Variants in CTIF observed in about 807,000 individuals in gnomAD.
The protein encoded by CTIF is cap binding complex dependent translation initiation factor, also known as CBP80/20-dependent translation initiation factor.
In CTIF, 21 loss-of-function variants were observed where a neutral mutation model predicts 66.0. That is an observed-to-expected ratio of 0.32 (90% CI 0.23 to 0.46). The LOEUF (loss-of-function observed/expected upper bound fraction) is 0.46, where lower values mean the gene tolerates loss of function less well. Among genes scored for constraint, CTIF ranks in the 20% least tolerant of loss-of-function variants. The pLI, the probability that CTIF is intolerant of heterozygous loss-of-function variation, is 1.00. For synonymous variants in CTIF, 345 were observed against 326.4 expected (o/e 1.06, Z -0.62); for missense variants, 739 against 812.7 (o/e 0.91, Z 1.10).
At chr18:48,826,083 T>G (rs941122879) in intron 10 of CTIF, 4 of 152,190 alleles carry the variant, frequency 2.6e-5, no homozygotes, top group Admixed American at 2.6e-4. Flanking sequence ...TTTAACCTCA[T>G]TCTTCCGTCT....
Position 48,761,821 on chromosome 18 carries a change from T to G in CTIF, c.1371+132T>G. ...CAAGTTCCGCCCTTGCCCGATTAAT[T>G]ATAGAAAACACAAAGGCAGTTAAGG... is the stretch of plus-strand genomic sequence containing the variant. On this transcript the variant is annotated intron_variant, in intron 9 of 11. Transcript: ENST00000256413. This position sits in a 1 kb window ranked among gnomAD's most constrained non-coding sequence, Gnocchi z 4.2. 1 of 908,474 alleles carries G rather than the reference T, an allele frequency of 1.1e-6. No homozygotes were observed. Among genetic ancestry groups the G allele is most frequent in the South Asian group, 1.8e-5 (1 of 56,684 alleles). The allele number at this position is 908,474 out of a possible 1,614,324, so 56.3% of individuals were successfully genotyped here.
At chr18:48,618,023 C>CG (rs1030147448) in intron 1 of CTIF, among the ~76,000 whole-genome samples, 1 of 152,164 alleles carries the variant, frequency 6.6e-6, no homozygotes, top group Non-Finnish European at 1.5e-5. Flanking sequence ...CTCCTTCCCC[C>CG]GGGCAGTTCT....
At chr18:48,610,579 C>T (rs898378045) in intron 1 of CTIF, among the ~76,000 whole-genome samples, 2 of 152,216 alleles carry the variant, frequency 1.3e-5, no homozygotes, top group African/African-American at 2.4e-5. Flanking sequence ...CACACTCCTG[C>T]GGGCTGCTCT....
intron 9 of CTIF, among the ~76,000 whole-genome samples, chr18:48,790,521 A>T (rs2067768868): frequency 6.6e-6 from 1 of 152,212 alleles, no homozygotes; most frequent in African/African-American, 2.4e-5. Flanking sequence ...CCAGCTCAGC[A>T]GCCCCCTCCC....
intron 9 of CTIF, among the ~76,000 whole-genome samples, chr18:48,805,288 T>A (rs1156467882): frequency 6.6e-6 from 1 of 151,624 alleles, no homozygotes; most frequent in Non-Finnish European, 1.5e-5. Context: ...TGATGATGAC[T>A]GGGGTGAGAA....
chr18:48,801,764 C>T (rs920731354), intron 9 of CTIF, among the ~76,000 whole-genome samples: 1 of 152,214 alleles, frequency 6.6e-6, no homozygotes, highest in Non-Finnish European at 1.5e-5. Flanking sequence ...CCAACTGCTT[C>T]CAGAGCAGAG....
At chr18:48,783,269 G>T (rs1417233943) in intron 9 of CTIF, among the ~76,000 whole-genome samples, 1 of 152,180 alleles carries the variant, frequency 6.6e-6, no homozygotes, top group African/African-American at 2.4e-5. Flanking sequence ...GCACCAGCAC[G>T]GCTTATGTAT....
intron 9 of CTIF, among the ~76,000 whole-genome samples, chr18:48,799,325 A>C (rs2067999857): frequency 6.6e-6 from 1 of 152,114 alleles, no homozygotes; most frequent in African/African-American, 2.4e-5. Flanking sequence ...TGGATGACCA[A>C]ACTGAGGCCC....
At chr18:48,690,773 A>C (rs1568139153) in intron 6 of CTIF, among the ~76,000 whole-genome samples, 1 of 152,050 alleles carries the variant, frequency 6.6e-6, no homozygotes, top group East Asian at 1.9e-4. Flanking sequence ...GACTTGACCA[A>C]GCACCTTTAC....
intron 6 of CTIF, among the ~76,000 whole-genome samples, chr18:48,701,168 G>A (rs1282271734): frequency 6.6e-6 from 1 of 152,172 alleles, no homozygotes; most frequent in African/African-American, 2.4e-5. Flanking sequence ...TCATGCCCAG[G>A]TGGTTTTTTC....
rs555371504 is a variant in CTIF, at chr18:48,751,694, C to G, written c.585-6225C>G. ...AGGACCCTGGGAGCTGGGGAAGGCTCCTGCTCAGGTCTGGACCTTAAGACC... is the reference window on the plus strand; with the variant it reads ...AGGACCCTGGGAGCTGGGGAAGGCTGCTGCTCAGGTCTGGACCTTAAGACC... On this transcript the variant is annotated intron_variant, in intron 7 of 11. Coordinates refer to ENST00000256413, the MANE Select transcript of CTIF (RefSeq NM_014772.3). Among the ~76,000 whole-genome samples the G allele has an allele frequency of 1.4e-4, 21 of 152,292 alleles. No individual in the cohort carries two copies. The South Asian group carries it at 4.4e-3, about 32-fold the overall frequency.
intron 5 of CTIF, 71 bp from the exon 6 acceptor site, chr18:48,670,598 C>T (rs766282351): frequency 4.8e-5 from 68 of 1,411,334 alleles, no homozygotes; most frequent in Non-Finnish European, 6.4e-5. Context: ...CCCTCCTCTC[C>T]TGCTGGCCGG....
intron 3 of CTIF, among the ~76,000 whole-genome samples, chr18:48,653,415 T>C (rs1298216322): frequency 2.6e-5 from 4 of 152,048 alleles, no homozygotes; most frequent in East Asian, 1.9e-4. Flanking sequence ...ATCCAACTTA[T>C]AAGGAATGTG....
chr18:48,741,991 A>T (rs1382752846), intron 7 of CTIF, among the ~76,000 whole-genome samples: 1 of 152,178 alleles, frequency 6.6e-6, no homozygotes, highest in East Asian at 1.9e-4. Flanking sequence ...AAATCTAAAC[A>T]TTCATTTCCA....
rs192380127 is a variant in CTIF, at chr18:48,569,781, C to T, written c.-29+30469C>T. Among the ~76,000 whole-genome samples, 209 of 152,320 alleles carry T rather than the reference C, an allele frequency of 1.4e-3. 2 individuals carry two copies. Among genetic ancestry groups the T allele is most frequent in the African/African-American group, 4.7e-3 (196 of 41,576 alleles). ...AGTGTCTTTGCTCTAGGTCAGTGTGCACAGGGATGAGACCAGTCTTGGGGG... is the reference window on the plus strand; with the variant it reads ...AGTGTCTTTGCTCTAGGTCAGTGTGTACAGGGATGAGACCAGTCTTGGGGG... On this transcript the variant is annotated intron_variant, in intron 1 of 11. Coordinates refer to ENST00000256413, the MANE Select transcript of CTIF (RefSeq NM_014772.3).
intron 2 of CTIF, among the ~76,000 whole-genome samples, chr18:48,634,528 C>T (rs981147312): frequency 6.6e-6 from 1 of 152,162 alleles, no homozygotes; most frequent in Non-Finnish European, 1.5e-5. Flanking sequence ...AAGGTGTTGC[C>T]AGAGTCCAGG....
chr18:48,795,214 G>A (rs975258483), intron 9 of CTIF, among the ~76,000 whole-genome samples: 6 of 152,078 alleles, frequency 3.9e-5, no homozygotes, highest in Non-Finnish European at 1.5e-5. Context: ...CCAGAGAGAG[G>A]CTCATCAGAG....
chr18:48,786,218 G>C (rs1231394046), intron 9 of CTIF, among the ~76,000 whole-genome samples: 2 of 152,146 alleles, frequency 1.3e-5, no homozygotes, highest in African/African-American at 4.8e-5. Flanking sequence ...CGTTTGGGAG[G>C]GGGTGCAAGC....
At chr18:48,731,521 T>G (rs2092456734) in intron 7 of CTIF, among the ~76,000 whole-genome samples, 1 of 152,124 alleles carries the variant, frequency 6.6e-6, no homozygotes, top group Admixed American at 6.5e-5. Flanking sequence ...AAACCACATC[T>G]CAACAATGTC....
Sources: gnomAD v4.1 joint callset for allele counts (sites outside exome capture counted in the v4.1 genomes callset) on GRCh38, gnomAD v4.1.1 for gene constraint, Gnocchi (gnomAD v3.1) non-coding constraint, MANE v1.5 for transcripts, NCBI Gene and HGNC (gene_info 2026-07-23, HGNC 2026-07-21) for gene names.